The following TMC2 variants were observed in gnomAD, a reference collection of about 807,000 sequenced individuals.
TMC2 encodes transmembrane channel like 2.
TMC2 carries 102 observed loss-of-function variants against 105.9 expected under a neutral mutation model. The observed-to-expected ratio is 0.96, with a 90% CI of 0.82 to 1.14. The LOEUF (loss-of-function observed/expected upper bound fraction) is 1.14, where lower values mean the gene tolerates loss of function less well. TMC2 is among the 50% of genes most tolerant of loss of function. TMC2 has a pLI of 0.00. For synonymous variants in TMC2, 402 were observed against 422.8 expected, an observed-to-expected ratio of 0.95 and a Z score of 0.60; for missense variants, 1,093 against 1,134.3, an observed-to-expected ratio of 0.96 and a Z score of 0.52.
At chr20:2,639,212 A>C (rs1393709497) in intron 19 of TMC2, among the ~76,000 whole-genome samples, 1 of 152,130 alleles carries the variant, frequency 6.6e-6, no homozygotes, top group Non-Finnish European at 1.5e-5. Flanking sequence ...AATATTTGTA[A>C]ATTGAGTGTA....
At chr20:2,541,734 G>T (rs2085891276) in intron 2 of TMC2, among the ~76,000 whole-genome samples, 1 of 151,808 alleles carries the variant, frequency 6.6e-6, no homozygotes, top group Non-Finnish European at 1.5e-5. Flanking sequence ...ACTGCATAAA[G>T]AGTTGCTTTA....
rs755256023 is a variant in TMC2, at chr20:2,635,982, A to G, written c.2363A>G (p.Gln788Arg). The G allele has an allele frequency of 1.4e-5, 23 of 1,614,030 alleles. No individual in the cohort carries two copies. The highest frequency in any genetic ancestry group is 1.9e-5 in the Non-Finnish European group (22 of 1,179,996). Residue 788 changes from glutamine to arginine, a missense_variant, in exon 18 of 20, where the codon CAG (glutamine) becomes CGG (arginine). Gln to Arg is a conservative substitution (Grantham distance 43). Transcript: ENST00000358864. ...VSKSLSRANA[Q>R]LRKKIQVLRE... ...AAAAGCCTTTCCCGAGCTAATGCCC[A>G]GCTGAGGAAGAAAATCCAAGTGGTG...
In TMC2 at chr20:2,602,277, T is replaced by G; in HGVS notation, c.1389T>G (p.Asn463Lys). ...KRSQQFSKMQ[N>K]VSWYERNEVE... ...CTCAGCAATTCTCCAAAATGCAGAATGTCAGCTGGTATGAAAGGAATGAGG... is the reference window on the plus strand; with the variant it reads ...CTCAGCAATTCTCCAAAATGCAGAAGGTCAGCTGGTATGAAAGGAATGAGG... The change falls in exon 11 of 20, where the codon AAT (asparagine) becomes AAG (lysine). Residue 463 changes from asparagine to lysine, a missense_variant. Transcript: ENST00000358864. 6.2e-7 allele frequency: 1 copy of G among 1,605,244 alleles called. No individual in the cohort carries two copies. The highest frequency in any genetic ancestry group is 8.5e-7 in the Non-Finnish European group (1 of 1,176,502).
Position 2,642,564 on chromosome 20 carries a change from T to C in TMC2, c.*1213T>C, listed in dbSNP as rs1245871495. ...AAGGTACAATGCAGAGCGTTGTCTC[T>C]GGGGATTCTATGTTCACTTAGTGTC... On this transcript the variant is annotated 3_prime_UTR_variant, in exon 20 of 20. Coordinates refer to ENST00000358864, the MANE Select transcript of TMC2 (RefSeq NM_080751.3). 1.3e-5 allele frequency among the ~76,000 whole-genome samples: 2 copies of C among 152,210 alleles called. No homozygotes were observed. The highest frequency in any genetic ancestry group is 2.9e-5 in the Non-Finnish European group (2 of 68,036).
chr20:2,571,212 C>T (rs1332131004), intron 4 of TMC2, among the ~76,000 whole-genome samples: 2 of 152,142 alleles, frequency 1.3e-5, no homozygotes, highest in African/African-American at 2.4e-5. Flanking sequence ...AGTAAACAGA[C>T]AACCTACAGA....
chr20:2,562,982 G>C lies in TMC2; in HGVS notation c.554+972G>C, dbSNP rs1387143602. On this transcript the variant is annotated intron_variant, in intron 4 of 19. Coordinates refer to ENST00000358864, the MANE Select transcript of TMC2 (RefSeq NM_080751.3). ...AAAGAAAAGAAAAGAAATAACAGCA[G>C]TAGTCATATTACATACTTTTTGAGT... Among the ~76,000 whole-genome samples, 6 of 151,932 alleles carry C rather than the reference G, an allele frequency of 3.9e-5. No homozygotes were observed. In the East Asian group the frequency reaches 1.2e-3, roughly 29 times the overall value.
intron 17 of TMC2, 149 bp from the exon 18 acceptor site, chr20:2,635,777 T>A: frequency 1.5e-6 from 1 of 656,214 alleles, no homozygotes. Context: ...CAGGACCTTC[T>A]CCACATTGAG....
chr20:2,537,190 G>A, intron 1 of TMC2, 79 bp from the exon 2 acceptor site: 4 of 1,327,240 alleles, frequency 3.0e-6, no homozygotes, highest in South Asian at 2.5e-5. Context: ...CAGCTGAGGG[G>A]TCCCACAGTG....
chr20:2,613,894 AC>A (rs1600131584), intron 14 of TMC2: 1 of 162,776 alleles, frequency 6.1e-6, no homozygotes, highest in African/African-American at 2.4e-5. Flanking sequence ...TGTCTCTTCC[AC>A]AACACCTCAC....
intron 10 of TMC2, among the ~76,000 whole-genome samples, chr20:2,601,580 C>A (rs920583400): frequency 6.6e-6 from 1 of 152,064 alleles, no homozygotes. Context: ...GTGGCTCATG[C>A]CTGTAATCCC....
chr20:2,576,825 T>C (rs756344580), intron 5 of TMC2, among the ~76,000 whole-genome samples: 3 of 151,912 alleles, frequency 2.0e-5, no homozygotes, highest in African/African-American at 2.4e-5. Flanking sequence ...TCAAGGCAAA[T>C]GCTCTCTTTA....
At chr20:2,542,415 A>C (rs1386274994) in intron 2 of TMC2, among the ~76,000 whole-genome samples, 1 of 152,180 alleles carries the variant, frequency 6.6e-6, no homozygotes, top group Non-Finnish European at 1.5e-5. Context: ...AGGTGCTAAG[A>C]GTTGTCTCTG....
At chr20:2,544,269 G>A (rs888230729) in intron 2 of TMC2, among the ~76,000 whole-genome samples, 4 of 151,990 alleles carry the variant, frequency 2.6e-5, no homozygotes, top group Admixed American at 1.3e-4. Context: ...TTGAATGATG[G>A]CAGCAGTGCA....
chr20:2,637,052 C>G (rs146018195), intron 18 of TMC2, among the ~76,000 whole-genome samples: 4 of 152,122 alleles, frequency 2.6e-5, no homozygotes, highest in Non-Finnish European at 5.9e-5. Flanking sequence ...CCTCTCCAAT[C>G]AGTTGTGAGG....
chr20:2,594,359 C>T (rs1401951011), intron 8 of TMC2, among the ~76,000 whole-genome samples: 1 of 151,778 alleles, frequency 6.6e-6, no homozygotes, highest in Non-Finnish European at 1.5e-5. Flanking sequence ...TCCCAAGTAG[C>T]TGAGATTACA....
intron 7 of TMC2, among the ~76,000 whole-genome samples, chr20:2,583,606 G>A (rs936231563): frequency 1.3e-5 from 2 of 152,090 alleles, no homozygotes; most frequent in African/African-American, 4.8e-5. Context: ...GGGATTACAG[G>A]CATGTGCCGC....
chr20:2,572,630 T>C (rs1350175290), intron 5 of TMC2, among the ~76,000 whole-genome samples: 2 of 152,170 alleles, frequency 1.3e-5, no homozygotes, highest in African/African-American at 2.4e-5. Context: ...GTCACGTGGA[T>C]GATAAACAGC....
At chr20:2,593,086 G>A (rs2146211334) in intron 8 of TMC2, among the ~76,000 whole-genome samples, 1 of 152,252 alleles carries the variant, frequency 6.6e-6, no homozygotes, top group African/African-American at 2.4e-5. Context: ...CCGCATGGCT[G>A]GGGAGGCCTC....
chr20:2,617,199 C>G lies in TMC2; in HGVS notation c.2068C>G (p.Arg690Gly). ...CCATGAACGCGTGTTCAAAGCCTCC[C>G]GATCCAACAACTTCTACATGGGCCT... ...VPHERVFKAS[R>G]SNNFYMGLLL... The change falls in exon 16 of 20, where the codon CGA becomes GGA. Residue 690 changes from arginine (R) to glycine (G), a missense_variant. Physicochemically the swap from Arg to Gly is moderately radical, Grantham distance 125. Transcript: ENST00000358864. 2 of 1,614,186 alleles carry G rather than the reference C, an allele frequency of 1.2e-6. No homozygotes were observed. Among genetic ancestry groups the G allele is most frequent in the Non-Finnish European group, 1.7e-6 (2 of 1,180,032 alleles).
Sources: gnomAD v4.1 joint callset for allele counts (sites outside exome capture counted in the v4.1 genomes callset) on GRCh38, gnomAD v4.1.1 for gene constraint, MANE v1.5 for transcripts, NCBI Gene and HGNC (gene_info 2026-07-23, HGNC 2026-07-21) for gene names.